Variants in APOBEC3D observed in about 807,000 individuals in gnomAD.
The protein encoded by APOBEC3D is DNA dC->dU-editing enzyme APOBEC-3D.
A neutral mutation model predicts 45.6 loss-of-function variants in APOBEC3D; 37 were observed. The observed-to-expected ratio is 0.81, with a 90% CI of 0.62 to 1.07. The LOEUF (loss-of-function observed/expected upper bound fraction) is 1.07. Ranked by LOEUF, APOBEC3D falls within the 50% of genes least tolerant of loss-of-function variation. The probability of loss-of-function intolerance (pLI) is 0.00; values close to 1 mark genes in which losing one functional copy is unlikely to be tolerated. For missense variants in APOBEC3D, 496 were observed against 495.3 expected (o/e 1.00, Z -0.01); for synonymous variants, 175 against 180.7 (o/e 0.97, Z 0.25).
chr22:39,031,257 A>G (rs1601475281), intron 5 of APOBEC3D, among the ~76,000 whole-genome samples: 1 of 152,116 alleles, frequency 6.6e-6, no homozygotes, highest in South Asian at 2.1e-4. Flanking sequence ...CTATGCACCC[A>G]GAAAAATGAA....
At chr22:39,029,641 C>T (rs1237170617) in intron 5 of APOBEC3D, 122 bp downstream of exon 5, 58 of 950,816 alleles carry the variant, frequency 6.1e-5, no homozygotes, top group East Asian at 6.1e-5. Context: ...ACATTTCTTT[C>T]TTTTTTTTTT....
chr22:39,024,506 C>G (rs1925434213), intron 2 of APOBEC3D, among the ~76,000 whole-genome samples: 1 of 152,196 alleles, frequency 6.6e-6, no homozygotes, highest in South Asian at 2.1e-4. Context: ...GCTTCAACAG[C>G]AGGACTGAGA....
At position 39,032,439 on chromosome 22, in the gene APOBEC3D, G is replaced by T. The variant is rs577940875; in HGVS notation, c.*123G>T. 430 of 1,515,956 alleles carry T rather than the reference G, an allele frequency of 2.8e-4. 4 individuals are homozygous for T. In the African/African-American group the frequency reaches 5.5e-3, roughly 19 times the overall value. 93.9% of individuals were successfully genotyped at this position (1,515,956 alleles called of 1,614,324 possible). A position where few individuals can be genotyped will look rare whatever the true frequency, so the allele number is the denominator to read the frequency against. ...CATCCTGAGCCCCTCCTGGCCTCAG[G>T]GCCATTCCATAGTGCCCCCCTGCCT... On this transcript the variant is annotated 3_prime_UTR_variant, in exon 7 of 7. Coordinates refer to ENST00000216099, the MANE Select transcript of APOBEC3D (RefSeq NM_152426.4).
intron 4 of APOBEC3D, among the ~76,000 whole-genome samples, chr22:39,028,340 A>G (rs1925882696): frequency 6.6e-6 from 1 of 152,254 alleles, no homozygotes; most frequent in South Asian, 2.1e-4. Context: ...CAGAGGCTGG[A>G]CAGGGCTGGC....
At chr22:39,032,142 GGGCCGGGAGAGA>G (rs1281387314) in intron 6 of APOBEC3D, 44 bp from the exon 7 acceptor site, 32 of 1,601,038 alleles carry the variant, frequency 2.0e-5, no homozygotes, top group Non-Finnish European at 2.6e-5. Flanking sequence ...GGAGGGCCCA[GGGCCGGGAGAGA>G]GGCTTGCTGG....
At chr22:39,026,224 C>T (rs1009312188) in intron 4 of APOBEC3D, among the ~76,000 whole-genome samples, 4 of 152,086 alleles carry the variant, frequency 2.6e-5, no homozygotes, top group African/African-American at 9.7e-5. Context: ...GGGGTTGTGT[C>T]CTCTGTGGCC....
At chr22:39,022,749 G>A (rs1925244778) in intron 1 of APOBEC3D, 73 bp from the exon 2 acceptor site, 10 of 1,537,326 alleles carry the variant, frequency 6.5e-6, no homozygotes, top group Middle Eastern at 2.4e-4. Context: ...CGGGAGCTGT[G>A]TTCAGTGGAC....
At chr22:39,027,268 C>T (rs1275931511) in intron 4 of APOBEC3D, among the ~76,000 whole-genome samples, 1 of 152,100 alleles carries the variant, frequency 6.6e-6, no homozygotes, top group Non-Finnish European at 1.5e-5. Context: ...TGGGGGCACG[C>T]ATGGCATCCT....
intron 4 of APOBEC3D, among the ~76,000 whole-genome samples, chr22:39,027,029 C>G (rs2146322675): frequency 6.6e-6 from 1 of 152,184 alleles, no homozygotes; most frequent in Admixed American, 6.5e-5. Flanking sequence ...AGGAGCTCTC[C>G]AGGAAGCACA....
In APOBEC3D at chr22:39,021,372, C is replaced by G; in HGVS notation, c.-148C>G. The G allele has an allele frequency of 9.3e-7, 1 of 1,079,506 alleles. No individual in the cohort carries two copies. Among genetic ancestry groups the G allele is most frequent in the Non-Finnish European group, 1.4e-6 (1 of 723,144 alleles). The allele number at this position is 1,079,506 out of a possible 1,614,324, so 66.9% of individuals were successfully genotyped here. A position where few individuals can be genotyped will look rare whatever the true frequency, so the allele number is the denominator to read the frequency against. On this transcript the variant is annotated 5_prime_UTR_variant, in exon 1 of 7. Coordinates refer to ENST00000216099, the MANE Select transcript of APOBEC3D (RefSeq NM_152426.4). ...CCGCCCGCCTCGGCCTCCCAAAGTGCTGGGATTACAGGCGTGAGCCACCGT... is the reference window on the plus strand; with the variant it reads ...CCGCCCGCCTCGGCCTCCCAAAGTGGTGGGATTACAGGCGTGAGCCACCGT...
At chr22:39,023,081 T>C in intron 2 of APOBEC3D, 67 bp downstream of exon 2, 1 of 1,283,416 alleles carries the variant, frequency 7.8e-7, no homozygotes, top group East Asian at 2.8e-5. Flanking sequence ...AACTGTGTAT[T>C]TTTTCCCCAC....
At position 39,021,316 on chromosome 22, in the gene APOBEC3D, C is replaced by G; in HGVS notation, c.-204C>G. The G allele has an allele frequency of 1.7e-6, 1 of 578,774 alleles. No individual in the cohort carries two copies. The highest frequency in any genetic ancestry group is 2.8e-5 in the Admixed American group (1 of 36,172). The allele number at this position is 578,774 out of a possible 1,614,324, so 35.9% of individuals were successfully genotyped here. On this transcript the variant is annotated 5_prime_UTR_variant, in exon 1 of 7. Transcript: ENST00000216099. Reference sequence around the variant, plus strand: ...AGAGACGGGGTTTCTCCATGTTGGTCAGGCTGGTCTCGAACTCCTGACCTC... The same window carrying G: ...AGAGACGGGGTTTCTCCATGTTGGTGAGGCTGGTCTCGAACTCCTGACCTC...
intron 4 of APOBEC3D, among the ~76,000 whole-genome samples, chr22:39,027,125 T>C (rs1396914106): frequency 6.6e-6 from 1 of 152,092 alleles, no homozygotes; most frequent in Non-Finnish European, 1.5e-5. Flanking sequence ...ACCTGGGTCT[T>C]AGACCGGAGG....
rs776871620 is a variant in APOBEC3D, at chr22:39,031,983, G to A, written c.1042+10G>A. 105 of 1,613,764 alleles carry A rather than the reference G, an allele frequency of 6.5e-5. No homozygotes were observed. The highest frequency in any genetic ancestry group is 8.3e-5 in the Admixed American group (5 of 59,990). On this transcript the variant is annotated intron_variant, in intron 6 of 6. Transcript: ENST00000216099. ...ATCATGGGCTACAAAGGTGAGACGT[G>A]GGGGGCTGAGGAGAGTGGGTGCGGG... is the stretch of plus-strand genomic sequence containing the variant.
chr22:39,023,265 G>A lies in APOBEC3D; in HGVS notation c.210+251G>A, dbSNP rs113733800. Among the ~76,000 whole-genome samples the A allele has an allele frequency of 8.3e-3, 1,260 of 151,944 alleles. 14 individuals are homozygous for A. The highest frequency in any genetic ancestry group is 0.029 in the African/African-American group (1,189 of 41,418). Reference sequence around the variant, plus strand: ...TGAGTAGCTGGGACTACAGGCGCGTGCTACCACGCCCGGCTAATTTTTGTA... The same window carrying A: ...TGAGTAGCTGGGACTACAGGCGCGTACTACCACGCCCGGCTAATTTTTGTA... On this transcript the variant is annotated intron_variant, in intron 2 of 6. Coordinates refer to ENST00000216099, the MANE Select transcript of APOBEC3D (RefSeq NM_152426.4).
At position 39,032,592 on chromosome 22, in the gene APOBEC3D, T is replaced by A; in HGVS notation, c.*276T>A. 11 of 197,388 alleles carry A rather than the reference T, an allele frequency of 5.6e-5. No homozygotes were observed. Among genetic ancestry groups the A allele is most frequent in the Non-Finnish European group, 5.9e-5 (10 of 169,144 alleles). 12.2% of individuals were successfully genotyped at this position (197,388 alleles called of 1,614,324 possible). On this transcript the variant is annotated 3_prime_UTR_variant, in exon 7 of 7. Transcript: ENST00000216099. ...CATCTCCCCAGCATAACCAAATCTTTTTTTTTTTTTTTTTTTTTTGAGACG... is the reference window on the plus strand; with the variant it reads ...CATCTCCCCAGCATAACCAAATCTTATTTTTTTTTTTTTTTTTTTGAGACG...
chr22:39,023,815 G>A (rs534806633), intron 2 of APOBEC3D, among the ~76,000 whole-genome samples: 46 of 152,092 alleles, frequency 3.0e-4, no homozygotes, highest in African/African-American at 1.0e-3. Flanking sequence ...GCCACCGCCC[G>A]GATTCCTCCT....
Position 39,025,586 on chromosome 22 carries a change from T to G in APOBEC3D, c.520T>G (p.Cys174Gly), listed in dbSNP as rs763570476. ...TGCATACTGCTGGGAAAACTTTGTG[T>G]GCAATGAAGGTCAGCCATTCATGCC... ...DFAYCWENFV[C>G]NEGQPFMPWY... Residue 174 changes from cysteine to glycine, a missense_variant, in exon 4 of 7, where the codon TGC (cysteine) becomes GGC (glycine). Transcript: ENST00000216099. The G allele has an allele frequency of 6.2e-7, 1 of 1,614,092 alleles. No homozygotes were observed. Among genetic ancestry groups the G allele is most frequent in the Non-Finnish European group, 8.5e-7 (1 of 1,179,990 alleles).
intron 4 of APOBEC3D, 41 bp downstream of exon 4, chr22:39,025,712 C>T (rs1925585035): frequency 1.2e-6 from 2 of 1,612,808 alleles, no homozygotes; most frequent in East Asian, 2.2e-5. Context: ...TCTCCTCTCG[C>T]CTCCTGCTCA....
Sources: allele counts gnomAD v4.1 joint callset (sites outside exome capture counted in the v4.1 genomes callset), GRCh38; gene constraint gnomAD v4.1.1; transcripts MANE v1.5; gene names NCBI Gene and HGNC (gene_info 2026-07-23, HGNC 2026-07-21).